PPM1H: variants seen among roughly 807,000 people sequenced by gnomAD.
The protein encoded by PPM1H is protein phosphatase, Mg2+/Mn2+ dependent 1H, also known as protein phosphatase 1H.
PPM1H carries 27 observed loss-of-function variants against 54.9 expected under a neutral mutation model. That is an observed-to-expected ratio of 0.49 (90% CI 0.36 to 0.68). PPM1H has a LOEUF of 0.68. PPM1H is among the 30% of genes least tolerant of loss of function. The pLI, the probability that PPM1H is intolerant of heterozygous loss-of-function variation, is 0.00. For synonymous variants in PPM1H, 305 were observed against 270.8 expected, an observed-to-expected ratio of 1.13 and a Z score of -1.24; for missense variants, 596 against 667.8, an observed-to-expected ratio of 0.89 and a Z score of 1.19.
At chr12:62,649,945 G>T (rs2075806655) in intron 9 of PPM1H, among the ~76,000 whole-genome samples, 1 of 152,172 alleles carries the variant, frequency 6.6e-6, no homozygotes, top group African/African-American at 2.4e-5. Context: ...CACCGTATAA[G>T]TCCTCTTGGA....
intron 6 of PPM1H, among the ~76,000 whole-genome samples, chr12:62,715,182 C>A (rs770717118): frequency 6.6e-6 from 1 of 152,184 alleles, no homozygotes; most frequent in Non-Finnish European, 1.5e-5. Flanking sequence ...GGCTGCGGGT[C>A]GGGATACACT....
At chr12:62,854,580 TG>T (rs1186013638) in intron 1 of PPM1H, among the ~76,000 whole-genome samples, 1 of 152,184 alleles carries the variant, frequency 6.6e-6, no homozygotes, top group African/African-American at 2.4e-5. Flanking sequence ...GAAGATCAAA[TG>T]AGTTTTATAA....
At chr12:62,820,677 C>T (rs2076897795) in intron 2 of PPM1H, among the ~76,000 whole-genome samples, 1 of 152,174 alleles carries the variant, frequency 6.6e-6, no homozygotes, top group Admixed American at 6.5e-5. Context: ...AGCTGAGGAA[C>T]CTGACTCTTA....
chr12:62,738,065 T>C (rs1315925714), intron 4 of PPM1H, among the ~76,000 whole-genome samples: 1 of 152,152 alleles, frequency 6.6e-6, no homozygotes, highest in East Asian at 1.9e-4. Context: ...AACTGAATTT[T>C]TCGTTTTATT....
intron 1 of PPM1H, among the ~76,000 whole-genome samples, chr12:62,838,791 G>C (rs1489432624): frequency 7.6e-6 from 1 of 132,238 alleles, no homozygotes; most frequent in Admixed American, 7.4e-5. Context: ...CGTAGTGGCG[G>C]GCGCCTGTAG....
intron 4 of PPM1H, among the ~76,000 whole-genome samples, chr12:62,761,359 A>C (rs552081648): frequency 2.0e-5 from 3 of 152,256 alleles, no homozygotes; most frequent in African/African-American, 4.8e-5. Context: ...CCTGGGGGGC[A>C]AATGGGATTA....
chr12:62,907,461 G>C (rs1330329925), intron 1 of PPM1H, among the ~76,000 whole-genome samples: 1 of 152,144 alleles, frequency 6.6e-6, no homozygotes, highest in African/African-American at 2.4e-5. Flanking sequence ...CTCTTCCACT[G>C]TCCCATGCTG....
chr12:62,776,384 TAC>T (rs2076611484), intron 4 of PPM1H, among the ~76,000 whole-genome samples: 1 of 152,222 alleles, frequency 6.6e-6, no homozygotes, highest in Non-Finnish European at 1.5e-5. Flanking sequence ...TAGAAATTAT[TAC>T]CAATAGCATA....
rs1396487952 is a variant in PPM1H at position 62,844,834 on chromosome 12, T to C, written c.246-12555A>G. ...TGACGGTGTTCTAAGCCTGCCTATA[T>C]ATTTCTTAAAGCTTACAATATTTGG... is the stretch of plus-strand genomic sequence containing the variant. On this transcript the variant is annotated intron_variant, in intron 1 of 9. Transcript: ENST00000228705. The surrounding 1 kb of genome is among the most constrained non-coding windows in gnomAD (Gnocchi z 5.2). Among the ~76,000 whole-genome samples, 2 of 152,258 alleles carry C rather than the reference T, an allele frequency of 1.3e-5. No individual in the cohort carries two copies. The highest frequency in any genetic ancestry group is 2.4e-5 in the African/African-American group (1 of 41,472).
intron 2 of PPM1H, among the ~76,000 whole-genome samples, chr12:62,814,285 T>C (rs1259377650): frequency 6.6e-6 from 1 of 152,120 alleles, no homozygotes; most frequent in African/African-American, 2.4e-5. Context: ...TTCTCCTTAT[T>C]TTGCCCAAGC....
Position 62,648,610 on chromosome 12 carries a change from A to G in PPM1H, c.1424T>C (p.Val475Ala). The G allele has an allele frequency of 3.1e-6, 5 of 1,613,934 alleles. No individual in the cohort carries two copies. Among genetic ancestry groups the G allele is most frequent in the Non-Finnish European group, 4.2e-6 (5 of 1,179,866 alleles). Reference sequence around the variant, plus strand: ...CTTCAGCACACCCCGGGCACGCATCACCAGGTCCTGAGCTGCCAGTGTGTA... The same window carrying G: ...CTTCAGCACACCCCGGGCACGCATCGCCAGGTCCTGAGCTGCCAGTGTGTA... The part of the protein sequence containing the change: ...HRYTLAAQDL[V>A]MRARGVLKDR... The change falls in exon 10 of 10, where the codon GTG becomes GCG. Residue 475 changes from valine (V) to alanine (A), a missense_variant. Physicochemically the swap from Val to Ala is moderately conservative, Grantham distance 64 (BLOSUM62 0). Around this residue, in one of 3 missense-constraint regions of PPM1H, gnomAD observed 208 missense variants for 259.5 expected, o/e 0.80. Coordinates refer to ENST00000228705, the MANE Select transcript of PPM1H (RefSeq NM_020700.2).
intron 1 of PPM1H, among the ~76,000 whole-genome samples, chr12:62,880,640 T>G (rs1168106565): frequency 6.6e-6 from 1 of 152,228 alleles, no homozygotes; most frequent in Non-Finnish European, 1.5e-5. Flanking sequence ...TGGCCTCATC[T>G]GCTCCTCCCC....
intron 1 of PPM1H, among the ~76,000 whole-genome samples, chr12:62,926,685 T>C (rs1415860363): frequency 6.6e-6 from 1 of 152,170 alleles, no homozygotes; most frequent in East Asian, 1.9e-4. Context: ...TCAGGTGCGG[T>C]GGCTCACTCC....
intron 4 of PPM1H, among the ~76,000 whole-genome samples, chr12:62,762,378 C>G (rs1454810911): frequency 6.6e-6 from 1 of 152,222 alleles, no homozygotes; most frequent in Admixed American, 6.5e-5. Flanking sequence ...GCCCCATGCT[C>G]AGAAAGCCAC....
At chr12:62,697,571 T>C (rs1311899934) in intron 6 of PPM1H, among the ~76,000 whole-genome samples, 2 of 152,176 alleles carry the variant, frequency 1.3e-5, no homozygotes, top group Non-Finnish European at 2.9e-5. Context: ...TTATAGTCCA[T>C]GTCAAGGCTA....
chr12:62,675,057 C>G (rs953442545), intron 8 of PPM1H, among the ~76,000 whole-genome samples: 3 of 152,210 alleles, frequency 2.0e-5, no homozygotes, highest in Non-Finnish European at 4.4e-5. Flanking sequence ...TCCAGTGACA[C>G]TGAAGTGTTA....
chr12:62,685,130 C>A (rs965657870), intron 8 of PPM1H, among the ~76,000 whole-genome samples: 1 of 152,128 alleles, frequency 6.6e-6, no homozygotes, highest in African/African-American at 2.4e-5. Context: ...ACTACATACC[C>A]ATTAAGCTAA....
chr12:62,915,177 AAG>A (rs1397855391), intron 1 of PPM1H, among the ~76,000 whole-genome samples: 1 of 152,208 alleles, frequency 6.6e-6, no homozygotes, highest in Non-Finnish European at 1.5e-5. Flanking sequence ...TGTTGTTGTT[AAG>A]AGTTAGTGCC....
intron 1 of PPM1H, among the ~76,000 whole-genome samples, chr12:62,871,318 T>C (rs184353649): frequency 6.6e-6 from 1 of 152,094 alleles, no homozygotes; most frequent in African/African-American, 2.4e-5. Context: ...TCTATTTATA[T>C]GAAATGTTCA....
Sources: gnomAD v4.1 joint callset for allele counts (sites outside exome capture counted in the v4.1 genomes callset) on GRCh38, gnomAD v4.1.1 for gene constraint, gnomAD v4.1.1 regional missense constraint, Gnocchi (gnomAD v3.1) non-coding constraint, MANE v1.5 for transcripts, NCBI Gene and HGNC (gene_info 2026-07-23, HGNC 2026-07-21) for gene names.